Variants in TTN observed in about 807,000 individuals in gnomAD.
TTN encodes the protein connectin.
In TTN, 1,525 loss-of-function variants were observed where a neutral mutation model predicts 3,223.0. That is an observed-to-expected ratio of 0.47 (90% CI 0.45 to 0.49). The LOEUF (loss-of-function observed/expected upper bound fraction) is 0.49. Among genes scored for constraint, TTN ranks in the 20% least tolerant of loss-of-function variants. The pLI is 0.00. For missense variants in TTN, 40,786 were observed against 43,424.0 expected (o/e 0.94, Z 5.40); for synonymous variants, 14,094 against 15,161.0 (o/e 0.93, Z 5.17).
At position 178,554,634 on chromosome 2, in the gene TTN, C is replaced by T; in HGVS notation, c.88713G>A (p.Val29571=). 1.9e-6 allele frequency: 3 copies of T among 1,613,882 alleles called. No individual in the cohort carries two copies. Among genetic ancestry groups the T allele is most frequent in the Non-Finnish European group, 2.5e-6 (3 of 1,179,844 alleles). Residue 29571 remains valine, a synonymous_variant, in exon 332 of 363, where the codon GTG becomes GTA. Coordinates refer to ENST00000589042, the MANE Select transcript of TTN (RefSeq NM_001267550.2). ...CAACGCGGCTTGTCTCACGCTTTTC[C>T]ACAATGTAGTGAGTGATTTTTGCAC... is the stretch of plus-strand genomic sequence containing the variant. ...DGGAKITHYI[V]EKRETSRVVW... is the part of the protein sequence containing the mutation.
In TTN at chr2:178,779,403, T is replaced by C; in HGVS notation, c.3789A>G (p.Ile1263Met). 1 of 1,586,044 alleles carries C rather than the reference T, an allele frequency of 6.3e-7. No homozygotes were observed. Among genetic ancestry groups the C allele is most frequent in the Non-Finnish European group, 8.6e-7 (1 of 1,156,594 alleles). Residue 1263 changes from isoleucine (I) to methionine (M), a missense_variant, in exon 23 of 363, where the codon ATA (isoleucine) becomes ATG (methionine). By Grantham distance (10) the Ile-to-Met change is conservative. Coordinates refer to ENST00000589042, the MANE Select transcript of TTN (RefSeq NM_001267550.2). ...RLIKEIEYRI[I>M]KTTLEELLEE... Reference sequence around the variant, plus strand: ...CAAGAAGTTCTTCTAATGTAGTCTTTATTATTCTATATTCAATTTCTTTAA... The same window carrying C: ...CAAGAAGTTCTTCTAATGTAGTCTTCATTATTCTATATTCAATTTCTTTAA...
rs554835653 is a variant in TTN at position 178,677,234 on chromosome 2, G to C, written c.34345C>G (p.Pro11449Ala). Residue 11449 changes from proline (P) to alanine (A), a missense_variant, in exon 147 of 363, where the codon CCT (proline) becomes GCT (alanine). By Grantham distance (27) the Pro-to-Ala change is conservative (BLOSUM62 -1). Coordinates refer to ENST00000589042, the MANE Select transcript of TTN (RefSeq NM_001267550.2). Reference sequence around the variant, plus strand: ...GGTGGTGGAGGTTCCACTTTTTTAGGGGCGGGAACAGGGACTTTCTTCTCT... The same window carrying C: ...GGTGGTGGAGGTTCCACTTTTTTAGCGGCGGGAACAGGGACTTTCTTCTCT... ...VPEKKVPVPA[P>A]KKVEPPPPPK... is the part of the protein sequence containing the mutation. The C allele has an allele frequency of 8.3e-5, 102 of 1,222,902 alleles. No individual in the cohort carries two copies. The African/African-American group carries it at 1.5e-3, about 17-fold the overall frequency. The allele number at this position is 1,222,902 out of a possible 1,614,324, so 75.8% of individuals were successfully genotyped here.
At chr2:178,755,583 T>C (rs2086699705) in intron 46 of TTN, among the ~76,000 whole-genome samples, 1 of 152,106 alleles carries the variant, frequency 6.6e-6, no homozygotes, top group African/African-American at 2.4e-5. Context: ...ATTACAGGCA[T>C]GCACCAACAT....
chr2:178,647,682 G>A (rs2062236345), intron 213 of TTN, among the ~76,000 whole-genome samples: 1 of 152,022 alleles, frequency 6.6e-6, no homozygotes, highest in South Asian at 2.1e-4. Context: ...TTAAATGAAG[G>A]TGGTCTAACT....
intron 104 of TTN, 32 bp from the exon 105 acceptor site, chr2:178,704,809 T>C (rs1577709351): frequency 1.9e-6 from 3 of 1,606,812 alleles, no homozygotes; most frequent in African/African-American, 2.7e-5. Context: ...ACACATTTGT[T>C]ACTCCTTCCC....
chr2:178,704,683 A>G lies in TTN; in HGVS notation c.29789T>C (p.Ile9930Thr). 1.9e-6 allele frequency: 3 copies of G among 1,611,684 alleles called. No homozygotes were observed. Among genetic ancestry groups the G allele is most frequent in the Non-Finnish European group, 2.5e-6 (3 of 1,178,860 alleles). The change falls in exon 105 of 363, where the codon ATC (isoleucine) becomes ACC (threonine). Residue 9930 changes from isoleucine (I) to threonine (T), a missense_variant. Transcript: ENST00000589042. ...AGTTCCTTTGTACCACGAAAGCTTG[A>G]TTTCTGGATAATTAATTTTAATGTC... is the stretch of plus-strand genomic sequence containing the variant. ...EIDIKINYPE[I>T]KLSWYKGTEK...
chr2:178,628,130 C>A (rs555316933), intron 240 of TTN, among the ~76,000 whole-genome samples: 1 of 151,976 alleles, frequency 6.6e-6, no homozygotes, highest in Admixed American at 6.6e-5. Context: ...AACAGGCAGG[C>A]GTTACCTATC....
At chr2:178,622,798 G>T in intron 242 of TTN, 31 bp from the exon 243 acceptor site, 1 of 1,520,610 alleles carries the variant, frequency 6.6e-7, no homozygotes. Context: ...AATTCAAAAT[G>T]AGGTTTCTGG....
At position 178,727,136 on chromosome 2, in the gene TTN, C is replaced by G. The variant is rs1354673910; in HGVS notation, c.20229G>C (p.Gln6743His). The G allele has an allele frequency of 5.0e-6, 8 of 1,602,892 alleles. No homozygotes were observed. The highest frequency in any genetic ancestry group is 6.8e-6 in the Non-Finnish European group (8 of 1,172,722). The change falls in exon 69 of 363, where the codon CAG becomes CAC. Residue 6743 changes from glutamine to histidine, a missense_variant. Gln to His is a conservative substitution (Grantham distance 24, BLOSUM62 0). Transcript: ENST00000589042. ...EDSGDFICEA[Q>H]NPAGSTSCST... ...TGCAGCTTGTGCTGCCAGCGGGATT[C>G]TGAGCCTCACAAATGAAATCTCCAC...
Position 178,773,854 on chromosome 2 carries a change from C to A in TTN, c.7314G>T (p.Gly2438=). ...TIPALGLSTS[G]RVSVYSVDVI... The stretch of plus-strand genomic sequence containing the variant: ...AGGACTCACTATAGACAGAGACACG[C>A]CCACTGGTGGAGAGGCCAAGGGCTG... The change falls in exon 31 of 363, where the codon GGG becomes GGT. Residue 2438 remains glycine (G), a synonymous_variant. Transcript: ENST00000589042. 1.2e-6 allele frequency: 2 copies of A among 1,614,070 alleles called. No individual in the cohort carries two copies. Among genetic ancestry groups the A allele is most frequent in the Non-Finnish European group, 1.7e-6 (2 of 1,179,982 alleles).
Position 178,593,317 on chromosome 2 carries a change from C to A in TTN, c.58891G>T (p.Asp19631Tyr), listed in dbSNP as rs565837633. The A allele has an allele frequency of 4.3e-6, 7 of 1,613,300 alleles. No individual in the cohort carries two copies. The East Asian group carries it at 1.6e-4, about 36-fold the overall frequency. Reference sequence around the variant, plus strand: ...AATTTAGTGTATGGATGAATAGGATCTTTGGTAACTCTAGCCCATCGTTTA... The same window carrying A: ...AATTTAGTGTATGGATGAATAGGATATTTGGTAACTCTAGCCCATCGTTTA... ...MSKRWARVTK[D>Y]PIHPYTKFRV... The change falls in exon 299 of 363, where the codon GAT (aspartate) becomes TAT (tyrosine). Residue 19631 changes from aspartate to tyrosine, a missense_variant. Asp to Tyr is a radical substitution (Grantham distance 160, BLOSUM62 -3). Transcript: ENST00000589042.
chr2:178,614,794 G>A (rs2057001150), intron 260 of TTN, 41 bp from the exon 261 acceptor site: 5 of 1,597,346 alleles, frequency 3.1e-6, no homozygotes, highest in Non-Finnish European at 3.4e-6. Flanking sequence ...TCAAGTTCAA[G>A]CAGATTTAAG....
At position 178,624,582 on chromosome 2, in the gene TTN, T is replaced by C; in HGVS notation, c.44698A>G (p.Ile14900Val). ...TTTCTGACCCTGCCATCAGCAACAA[T>C]TTCATACTTCTTGCTTTTGAGGATT... ...TEILKSKKYE[I>V]VADGRVRKLV... Residue 14900 changes from isoleucine (I) to valine (V), a missense_variant, in exon 242 of 363, where the codon ATT (isoleucine) becomes GTT (valine). By Grantham distance (29) the Ile-to-Val change is conservative (BLOSUM62 3). Transcript: ENST00000589042. The C allele has an allele frequency of 1.2e-6, 2 of 1,612,744 alleles. No homozygotes were observed. The highest frequency in any genetic ancestry group is 8.5e-7 in the Non-Finnish European group (1 of 1,179,186).
At position 178,601,087 on chromosome 2, in the gene TTN, T is replaced by A; in HGVS notation, c.55817A>T (p.Asp18606Val). ...VHLSWKPPKN[D>V]GGSPVTHYIV... Reference sequence around the variant, plus strand: ...ATAGTGGGTAACAGGGGAGCCCCCATCATTCTTCGGGGGTTTCCATGACAG... The same window carrying A: ...ATAGTGGGTAACAGGGGAGCCCCCAACATTCTTCGGGGGTTTCCATGACAG... Residue 18606 changes from aspartate (D) to valine (V), a missense_variant, in exon 288 of 363, where the codon GAT (aspartate) becomes GTT (valine). By Grantham distance (152) the Asp-to-Val change is radical. Coordinates refer to ENST00000589042, the MANE Select transcript of TTN (RefSeq NM_001267550.2). 6.2e-7 allele frequency: 1 copy of A among 1,607,092 alleles called. No homozygotes were observed. Among genetic ancestry groups the A allele is most frequent in the Non-Finnish European group, 8.5e-7 (1 of 1,176,276 alleles).
At chr2:178,527,801 T>C (rs375354863) in intron 361 of TTN, 53 bp from the exon 362 acceptor site, 1 of 1,484,744 alleles carries the variant, frequency 6.7e-7, no homozygotes, top group East Asian at 2.3e-5. Flanking sequence ...GGTTAATTGA[T>C]GACATATGAC....
At chr2:178,648,676 T>C (rs903264186) in intron 213 of TTN, among the ~76,000 whole-genome samples, 1 of 152,072 alleles carries the variant, frequency 6.6e-6, no homozygotes, top group Non-Finnish European at 1.5e-5. Flanking sequence ...TCCCCAAGTG[T>C]TGGGATGACA....
rs372927085 is a variant in TTN, at chr2:178,609,372, G to A, written c.51938C>T (p.Pro17313Leu). 5 of 1,612,258 alleles carry A rather than the reference G, an allele frequency of 3.1e-6. No individual in the cohort carries two copies. Among genetic ancestry groups the A allele is most frequent in the Non-Finnish European group, 4.2e-6 (5 of 1,179,020 alleles). ...ACGCTGTGTCAGAGGCAGGACAAAT[G>A]GTTCTTCTTCTTGAACTTCACCCTT... Reference protein sequence around the residue: ...RRKGEVQEEEPFVLPLTQRLS... With the variant: ...RRKGEVQEEELFVLPLTQRLS... The change falls in exon 273 of 363, where the codon CCA becomes CTA. Residue 17313 changes from proline to leucine, a missense_variant. Transcript: ENST00000589042.
At chr2:178,730,880 G>A in intron 60 of TTN, 45 bp downstream of exon 60, 1 of 1,538,218 alleles carries the variant, frequency 6.5e-7, no homozygotes, top group South Asian at 1.3e-5. Context: ...AGGGAAGAAG[G>A]AGCATGGAAA....
rs1310975229 is a variant in TTN, at chr2:178,634,012, A to C, written c.42487T>G (p.Cys14163Gly). 1 of 1,613,350 alleles carries C rather than the reference A, an allele frequency of 6.2e-7. No individual in the cohort carries two copies. Among genetic ancestry groups the C allele is most frequent in the East Asian group, 2.2e-5 (1 of 44,794 alleles). ...VKEGETATFV[C>G]ELSHEKMHVV... ...TGCATTTTTTCATGAGAAAGTTCAC[A>C]AACAAAAGTTGCTGTTTCACCTTCT... Residue 14163 changes from cysteine to glycine, a missense_variant, in exon 231 of 363, where the codon TGT becomes GGT. By Grantham distance (159) the Cys-to-Gly change is radical (BLOSUM62 -3). Coordinates refer to ENST00000589042, the MANE Select transcript of TTN (RefSeq NM_001267550.2). This position sits in a 1 kb window ranked among gnomAD's most constrained non-coding sequence, Gnocchi z 4.6.
Sources: allele counts gnomAD v4.1 joint callset (sites outside exome capture counted in the v4.1 genomes callset), GRCh38; gene constraint gnomAD v4.1.1; non-coding constraint Gnocchi (gnomAD v3.1); transcripts MANE v1.5; gene names NCBI Gene and HGNC (gene_info 2026-07-23, HGNC 2026-07-21).